SYT9: variants seen among roughly 807,000 people sequenced by gnomAD.
The protein encoded by SYT9 is synaptotagmin-9.
Under a neutral mutation model 48.4 loss-of-function variants are expected in SYT9, and 22 were observed. The ratio of observed to expected loss-of-function variants is 0.45; its 90% CI spans 0.32 to 0.65. The LOEUF (loss-of-function observed/expected upper bound fraction) is 0.65, where lower values mean the gene tolerates loss of function less well. Among genes scored for constraint, SYT9 ranks in the 30% least tolerant of loss-of-function variants. SYT9 has a pLI of 0.03. For missense variants in SYT9, 577 were observed against 622.0 expected (o/e 0.93, Z 0.77); for synonymous variants, 265 against 245.0 (o/e 1.08, Z -0.76).
At chr11:7,340,912 G>A (rs536836461) in intron 3 of SYT9, among the ~76,000 whole-genome samples, 1 of 152,316 alleles carries the variant, frequency 6.6e-6, no homozygotes, top group East Asian at 1.9e-4. Flanking sequence ...TTTTCACAGG[G>A]CTGCTGCAGT....
At chr11:7,303,866 C>T (rs148562354) in intron 2 of SYT9, among the ~76,000 whole-genome samples, 8 of 152,316 alleles carry the variant, frequency 5.3e-5, no homozygotes, top group African/African-American at 7.2e-5. Flanking sequence ...TCTGACCTAT[C>T]CTAACAGTCA....
intron 1 of SYT9, among the ~76,000 whole-genome samples, chr11:7,284,075 T>C (rs541742867): frequency 6.6e-6 from 1 of 152,322 alleles, no homozygotes; most frequent in South Asian, 2.1e-4. Context: ...TATGGTATTA[T>C]GTGTTTCTTA....
chr11:7,332,068 C>G (rs7128269), intron 3 of SYT9, among the ~76,000 whole-genome samples: 41,411 of 152,068 alleles, frequency 0.27, 5,962 homozygotes, highest in Middle Eastern at 0.32. Context: ...GAGGGATTCT[C>G]GTGCAAGTGA....
At chr11:7,462,971 G>A (rs1395094130) in intron 6 of SYT9, among the ~76,000 whole-genome samples, 6 of 152,104 alleles carry the variant, frequency 3.9e-5, no homozygotes, top group Admixed American at 3.9e-4. Flanking sequence ...GTTTTCATTA[G>A]GACAGTTCTC....
Position 7,348,688 on chromosome 11 carries a change from CTTTTTTTTTTTTTTTTT to C in SYT9, c.1044+34760_1044+34776del, listed in dbSNP as rs34752256. 9.8e-4 allele frequency among the ~76,000 whole-genome samples: 46 copies of C among 47,116 alleles called. 1 individual carries two copies. Among genetic ancestry groups the C allele is most frequent in the Non-Finnish European group, 1.4e-3 (36 of 25,576 alleles). The allele number at this position is 47,116 out of a possible 152,430, so 30.9% of individuals were successfully genotyped here. ...CCAGGTATCAGAGCCATCAGACCTC[CTTTTTTTTTTTTTTTTT>C]TTTTTTTTTTTTGTATTTTCAAAGT... On this transcript the variant is annotated intron_variant, in intron 3 of 6. Transcript: ENST00000318881.
chr11:7,444,992 G>A (rs1347348709), intron 6 of SYT9, among the ~76,000 whole-genome samples: 2 of 152,220 alleles, frequency 1.3e-5, no homozygotes, highest in Admixed American at 1.3e-4. Flanking sequence ...CCAGGAGAGA[G>A]TGTGGTATTT....
rs150172978 is a variant in SYT9 at position 7,380,606 on chromosome 11, A to G, written c.1045-35436A>G. The stretch of plus-strand genomic sequence containing the variant: ...ACCAAAATTTACAAAAATAAAAAAT[A>G]TATAAGTAGCACAGCAAAAAATAAA... On this transcript the variant is annotated intron_variant, in intron 3 of 6. Coordinates refer to ENST00000318881, the MANE Select transcript of SYT9 (RefSeq NM_175733.4). Among the ~76,000 whole-genome samples, 794 of 151,320 alleles carry G rather than the reference A, an allele frequency of 5.2e-3. 5 individuals carry two copies. Among genetic ancestry groups the G allele is most frequent in the African/African-American group, 0.018 (751 of 41,226 alleles).
At chr11:7,251,896 A>C (rs1180748899), upstream of SYT9, 14 of 307,692 alleles carry the variant, frequency 4.6e-5, no homozygotes, top group Non-Finnish European at 7.1e-5. Context: ...GAGCGCAAGC[A>C]GAGAGGCGCT....
chr11:7,292,473 C>T (rs1027023394), intron 1 of SYT9, among the ~76,000 whole-genome samples: 6 of 152,188 alleles, frequency 3.9e-5, no homozygotes, highest in Non-Finnish European at 5.9e-5. Context: ...AGGGTGCAGG[C>T]GGCCCAAAGT....
chr11:7,450,347 T>G (rs1427451028), intron 6 of SYT9: 1 of 152,198 alleles, frequency 6.6e-6, no homozygotes, highest in African/African-American at 2.4e-5. Flanking sequence ...GATGACAACA[T>G]GCCAGTTCCA....
intron 1 of SYT9, among the ~76,000 whole-genome samples, chr11:7,254,382 C>T (rs531626900): frequency 6.6e-6 from 1 of 152,254 alleles, no homozygotes; most frequent in African/African-American, 2.4e-5. Context: ...AAAGTGCACC[C>T]TCTCCTTCAG....
At chr11:7,330,801 A>G (rs1849514091) in intron 3 of SYT9, among the ~76,000 whole-genome samples, 1 of 152,114 alleles carries the variant, frequency 6.6e-6, no homozygotes, top group Non-Finnish European at 1.5e-5. Flanking sequence ...GGTTCAAGCG[A>G]TTCTCCTGCC....
upstream of SYT9, among the ~76,000 whole-genome samples, chr11:7,250,109 T>C (rs1847841664): frequency 6.6e-6 from 1 of 152,188 alleles, no homozygotes; most frequent in Admixed American, 6.5e-5. Flanking sequence ...CTTCACTCTC[T>C]CCTAAACTCT....
intron 6 of SYT9, among the ~76,000 whole-genome samples, chr11:7,446,717 C>T (rs995225492): frequency 6.6e-6 from 1 of 152,246 alleles, no homozygotes; most frequent in African/African-American, 2.4e-5. Context: ...CCACAAGCTC[C>T]CTCTCCAGAG....
intron 3 of SYT9, among the ~76,000 whole-genome samples, chr11:7,405,791 A>G (rs573397961): frequency 1.3e-3 from 201 of 152,340 alleles, no homozygotes; most frequent in African/African-American, 4.6e-3. Context: ...GAAAATTTCT[A>G]TATTGGAATT....
chr11:7,403,423 G>A (rs771707533), intron 3 of SYT9, among the ~76,000 whole-genome samples: 1 of 152,194 alleles, frequency 6.6e-6, no homozygotes, highest in Non-Finnish European at 1.5e-5. Context: ...ATGGTGACAT[G>A]TGCCTGTAGT....
chr11:7,258,464 C>G (rs1848017662), intron 1 of SYT9, among the ~76,000 whole-genome samples: 1 of 152,088 alleles, frequency 6.6e-6, no homozygotes, highest in Non-Finnish European at 1.5e-5. Flanking sequence ...ATCCTGAGGA[C>G]CAGGCTTTGC....
rs916514791 is a variant in SYT9, at chr11:7,373,095, C to T, written c.1045-42947C>T. Among the ~76,000 whole-genome samples the T allele has an allele frequency of 3.9e-5, 6 of 151,968 alleles. 1 individual carries two copies. The highest frequency in any genetic ancestry group is 4.2e-4 in the South Asian group (2 of 4,798). On this transcript the variant is annotated intron_variant, in intron 3 of 6. Coordinates refer to ENST00000318881, the MANE Select transcript of SYT9 (RefSeq NM_175733.4). ...GCCTCTGGGATAAATCCTACTTGGC[C>T]GACGTGTATTCTTAATACTGATAGA...
At chr11:7,389,007 G>C (rs895151393) in intron 3 of SYT9, among the ~76,000 whole-genome samples, 22 of 152,162 alleles carry the variant, frequency 1.4e-4, no homozygotes, top group African/African-American at 5.3e-4. Flanking sequence ...TTGAAGTGAG[G>C]ACATTGTGTG....
Sources: gnomAD v4.1 joint callset for allele counts (sites outside exome capture counted in the v4.1 genomes callset) on GRCh38, gnomAD v4.1.1 for gene constraint, MANE v1.5 for transcripts, NCBI Gene and HGNC (gene_info 2026-07-23, HGNC 2026-07-21) for gene names.